Variants in ATP11A observed in about 807,000 individuals in gnomAD.
The protein encoded by ATP11A is phospholipid-transporting ATPase IH.
ATP11A carries 81 observed loss-of-function variants against 154.4 expected under a neutral mutation model. The observed-to-expected ratio is 0.52, with a 90% CI of 0.44 to 0.63. The LOEUF (loss-of-function observed/expected upper bound fraction) is 0.63. Among genes scored for constraint, ATP11A ranks in the 30% least tolerant of loss-of-function variants. The pLI, the probability that ATP11A is intolerant of heterozygous loss-of-function variation, is 0.00. For missense variants in ATP11A, 1,316 were observed against 1,474.3 expected (o/e 0.89, Z 1.76); for synonymous variants, 623 against 585.9 (o/e 1.06, Z -0.91).
chr13:112,751,918 TACAC>T (rs919209830), intron 1 of ATP11A, among the ~76,000 whole-genome samples: 17 of 152,350 alleles, frequency 1.1e-4, no homozygotes, highest in African/African-American at 4.1e-4. Context: ...GGTATACACA[TACAC>T]ACATGCGTGT....
chr13:112,739,419 T>C (rs1891309826), intron 1 of ATP11A, among the ~76,000 whole-genome samples: 1 of 152,216 alleles, frequency 6.6e-6, no homozygotes, highest in Non-Finnish European at 1.5e-5. Context: ...ATAAAAACTT[T>C]ATGCTTCATA....
At chr13:112,773,604 C>A (rs1223478101) in intron 1 of ATP11A, among the ~76,000 whole-genome samples, 1 of 152,208 alleles carries the variant, frequency 6.6e-6, no homozygotes, top group Non-Finnish European at 1.5e-5. Flanking sequence ...GATGGGGGTC[C>A]CAGGAAAGGC....
chr13:112,776,272 G>T (rs9324329), intron 1 of ATP11A, among the ~76,000 whole-genome samples: 45,943 of 151,918 alleles, frequency 0.3, 7,957 homozygotes, highest in Middle Eastern at 0.45. Flanking sequence ...GAGCAAAAGC[G>T]CAGGCCAGAT....
chr13:112,857,328 T>G lies in ATP11A; in HGVS notation c.2419-490T>G, dbSNP rs143286313. Among the ~76,000 whole-genome samples the G allele has an allele frequency of 4.2e-3, 645 of 152,330 alleles. 6 individuals are homozygous for G. The highest frequency in any genetic ancestry group is 0.015 in the African/African-American group (622 of 41,566). On this transcript the variant is annotated intron_variant, in intron 20 of 29. Transcript: ENST00000375645. The stretch of plus-strand genomic sequence containing the variant: ...CATATTTGATTTTGCACGTTACAAA[T>G]TTGAAAATTAAAATAGCATTAGGAA...
At chr13:112,803,076 C>G (rs533643737) in intron 2 of ATP11A, among the ~76,000 whole-genome samples, 1 of 152,172 alleles carries the variant, frequency 6.6e-6, no homozygotes, top group East Asian at 1.9e-4. Context: ...CTGGGGGGAG[C>G]CACTACTCTG....
intron 25 of ATP11A, among the ~76,000 whole-genome samples, chr13:112,863,859 C>G (rs1428527344): frequency 4.0e-5 from 3 of 74,864 alleles, no homozygotes; most frequent in African/African-American, 8.9e-5. Context: ...TTCAGTGCGG[C>G]CCATGCAGCT....
chr13:112,873,092 C>T (rs1359206148), intron 26 of ATP11A, among the ~76,000 whole-genome samples: 2 of 61,702 alleles, frequency 3.2e-5, no homozygotes, highest in Non-Finnish European at 6.9e-5. Flanking sequence ...GGCTTTGTCT[C>T]CTTAATGGTG....
chr13:112,865,663 C>T (rs945005737), intron 25 of ATP11A, among the ~76,000 whole-genome samples: 1 of 152,240 alleles, frequency 6.6e-6, no homozygotes, highest in Admixed American at 6.5e-5. Context: ...CATTCTCCTG[C>T]CTCAGCTTCC....
intron 1 of ATP11A, among the ~76,000 whole-genome samples, chr13:112,777,771 T>C (rs1486307405): frequency 3.3e-5 from 5 of 152,226 alleles, no homozygotes; most frequent in Non-Finnish European, 5.9e-5. Flanking sequence ...TGCCAGGTCC[T>C]GAGCACACAT....
chr13:112,768,845 C>T (rs1470332973), intron 1 of ATP11A, among the ~76,000 whole-genome samples: 1 of 152,152 alleles, frequency 6.6e-6, no homozygotes, highest in African/African-American at 2.4e-5. Flanking sequence ...GAGCGTCTCT[C>T]CTGTAGGTTG....
intron 1 of ATP11A, among the ~76,000 whole-genome samples, chr13:112,740,148 C>CTATATA (rs59104065): frequency 7.3e-5 from 10 of 137,902 alleles, no homozygotes; most frequent in Middle Eastern, 3.7e-3. Flanking sequence ...CTCTCTCTCT[C>CTATATA]TATATATATA....
intron 24 of ATP11A, among the ~76,000 whole-genome samples, chr13:112,862,144 T>C (rs752841502): frequency 6.6e-6 from 1 of 152,252 alleles, no homozygotes; most frequent in African/African-American, 2.4e-5. Context: ...GTGTTCTCTG[T>C]TCGTTGCTTT....
chr13:112,744,928 A>C (rs187306253), intron 1 of ATP11A, among the ~76,000 whole-genome samples: 120 of 152,370 alleles, frequency 7.9e-4, no homozygotes, highest in African/African-American at 2.9e-3. Flanking sequence ...AAATGTGATC[A>C]TACATCTGGG....
At chr13:112,757,927 C>T (rs913199513) in intron 1 of ATP11A, among the ~76,000 whole-genome samples, 6 of 152,176 alleles carry the variant, frequency 3.9e-5, no homozygotes, top group Non-Finnish European at 8.8e-5. Flanking sequence ...AGCCAGGGGC[C>T]AGCGTGGTGG....
At chr13:112,778,808 A>T (rs2077415693) in intron 1 of ATP11A, among the ~76,000 whole-genome samples, 1 of 106,480 alleles carries the variant, frequency 9.4e-6, no homozygotes, top group Non-Finnish European at 2.0e-5. Flanking sequence ...CGCTGGAGTG[A>T]GTAGCCGCTG....
chr13:112,759,241 C>T (rs1471164275), intron 1 of ATP11A, among the ~76,000 whole-genome samples: 1 of 152,158 alleles, frequency 6.6e-6, no homozygotes, highest in Non-Finnish European at 1.5e-5. Context: ...GAGGCCACAT[C>T]CTGCAGCCCT....
chr13:112,718,389 T>G (rs959161079), intron 1 of ATP11A, among the ~76,000 whole-genome samples: 2 of 152,236 alleles, frequency 1.3e-5, no homozygotes, highest in African/African-American at 4.8e-5. Flanking sequence ...GCCAAGTGTT[T>G]CCAGTTAAAT....
At chr13:112,726,301 C>CT (rs928942441) in intron 1 of ATP11A, among the ~76,000 whole-genome samples, 11 of 146,078 alleles carry the variant, frequency 7.5e-5, no homozygotes, top group Admixed American at 7.5e-4. Context: ...GGGAGAGGGG[C>CT]TGGGGGCACA....
intron 27 of ATP11A, among the ~76,000 whole-genome samples, chr13:112,874,756 C>T (rs574868860): frequency 1.3e-5 from 2 of 152,244 alleles, no homozygotes; most frequent in East Asian, 3.9e-4. Flanking sequence ...GGGTGTCAGG[C>T]ACCCTGTCAG....
Sources: gnomAD v4.1 joint callset for allele counts (sites outside exome capture counted in the v4.1 genomes callset) on GRCh38, gnomAD v4.1.1 for gene constraint, MANE v1.5 for transcripts, NCBI Gene and HGNC (gene_info 2026-07-23, HGNC 2026-07-21) for gene names.